BCAS1: variants seen among roughly 807,000 people sequenced by gnomAD.
The protein encoded by BCAS1 is breast carcinoma-amplified sequence 1.
BCAS1 carries 46 observed loss-of-function variants against 65.4 expected under a neutral mutation model. The ratio of observed to expected loss-of-function variants is 0.70; its 90% CI spans 0.55 to 0.90. The LOEUF is 0.90. Among genes scored for constraint, BCAS1 ranks in the 40% least tolerant of loss-of-function variants. BCAS1 has a pLI of 0.00. For synonymous variants in BCAS1, 298 were observed against 293.5 expected (o/e 1.02, Z -0.16); for missense variants, 793 against 771.2 (o/e 1.03, Z -0.33).
At chr20:53,954,733 A>G (rs895875159) in intron 11 of BCAS1, among the ~76,000 whole-genome samples, 3 of 152,200 alleles carry the variant, frequency 2.0e-5, no homozygotes, top group Non-Finnish European at 4.4e-5. Context: ...CAAAGGTCCA[A>G]AAAAATATTT....
At chr20:54,034,895 C>T (rs1030400426) in intron 3 of BCAS1, among the ~76,000 whole-genome samples, 1 of 151,234 alleles carries the variant, frequency 6.6e-6, no homozygotes, top group African/African-American at 2.4e-5. Flanking sequence ...TACTACAAGG[C>T]TACAGTAACC....
intron 3 of BCAS1, among the ~76,000 whole-genome samples, chr20:54,032,029 T>A (rs2091811875): frequency 6.6e-6 from 1 of 151,090 alleles, no homozygotes; most frequent in Non-Finnish European, 1.5e-5. Context: ...CAAGACATCA[T>A]CATCAGATTC....
chr20:54,031,632 C>A (rs2091802611), intron 3 of BCAS1, among the ~76,000 whole-genome samples: 1 of 151,322 alleles, frequency 6.6e-6, no homozygotes, highest in Admixed American at 6.6e-5. Context: ...AAAGTAGAAC[C>A]TGGAAATCCA....
At chr20:54,014,084 TGA>T (rs2091380405) in intron 4 of BCAS1, among the ~76,000 whole-genome samples, 1 of 152,314 alleles carries the variant, frequency 6.6e-6, no homozygotes, top group African/African-American at 2.4e-5. Flanking sequence ...ACAGTTGTGA[TGA>T]GAGTCCAGCC....
chr20:53,973,002 C>T (rs181176340), intron 9 of BCAS1, among the ~76,000 whole-genome samples: 17 of 152,188 alleles, frequency 1.1e-4, no homozygotes, highest in South Asian at 4.1e-4. Flanking sequence ...CCAAGGTGGG[C>T]GGATCACTTG....
chr20:53,985,613 TTCTTTA>T, intron 7 of BCAS1, 114 bp from the exon 8 acceptor site: 3 of 918,800 alleles, frequency 3.3e-6, no homozygotes, highest in Non-Finnish European at 4.8e-6. Context: ...GTTAATTTTC[TTCTTTA>T]TATTTTTCTG....
chr20:54,040,071 A>G (rs1323464888), intron 3 of BCAS1, among the ~76,000 whole-genome samples: 1 of 151,594 alleles, frequency 6.6e-6, no homozygotes, highest in East Asian at 1.9e-4. Context: ...ACCATTGCCT[A>G]ATCAATGAAT....
intron 12 of BCAS1, 89 bp from the exon 13 acceptor site, chr20:53,945,085 C>G: frequency 8.8e-7 from 1 of 1,141,408 alleles, no homozygotes; most frequent in Non-Finnish European, 1.3e-6. Context: ...TTACTCTGTG[C>G]TAGGTGTTGG....
chr20:53,946,644 TTTATA>T (rs1460510406), intron 12 of BCAS1, among the ~76,000 whole-genome samples: 2 of 150,882 alleles, frequency 1.3e-5, no homozygotes, highest in Non-Finnish European at 3.0e-5. Flanking sequence ...TAGTGTATAT[TTTATA>T]GTATATATAG....
At chr20:53,957,666 C>A (rs917646051) in intron 10 of BCAS1, among the ~76,000 whole-genome samples, 169 bp from the exon 11 acceptor site, 4 of 152,204 alleles carry the variant, frequency 2.6e-5, no homozygotes, top group South Asian at 2.1e-4. Context: ...GATTTCCATG[C>A]AATTTCTAAC....
At chr20:54,070,055 C>G (rs2146405934) in intron 1 of BCAS1, among the ~76,000 whole-genome samples, 1 of 152,304 alleles carries the variant, frequency 6.6e-6, no homozygotes, top group East Asian at 1.9e-4. Context: ...TTCCACTCGG[C>G]TATGGGGCAT....
chr20:54,043,788 T>C (rs368809731), intron 3 of BCAS1, among the ~76,000 whole-genome samples: 1 of 152,246 alleles, frequency 6.6e-6, no homozygotes, highest in Non-Finnish European at 1.5e-5. Context: ...ACCCAGGTGA[T>C]GTGATGCTGC....
chr20:53,958,084 T>G (rs781468282), intron 10 of BCAS1, among the ~76,000 whole-genome samples: 10 of 152,130 alleles, frequency 6.6e-5, no homozygotes, highest in Non-Finnish European at 1.0e-4. Flanking sequence ...CCTGGGAACT[T>G]GCTAGAAAGG....
At chr20:54,061,734 T>C (rs916993653) in intron 1 of BCAS1, among the ~76,000 whole-genome samples, 3 of 152,258 alleles carry the variant, frequency 2.0e-5, no homozygotes, top group African/African-American at 7.2e-5. Flanking sequence ...AGCTGAGCAC[T>C]GTTAAAACAT....
intron 8 of BCAS1, among the ~76,000 whole-genome samples, chr20:53,978,356 ATTT>A (rs539553962): frequency 6.6e-6 from 1 of 151,938 alleles, no homozygotes; most frequent in African/African-American, 2.4e-5. Context: ...TTTACTTAAT[ATTT>A]TTTTCTTAAA....
At chr20:53,948,638 C>T (rs1208656520) in intron 12 of BCAS1, among the ~76,000 whole-genome samples, 1 of 152,344 alleles carries the variant, frequency 6.6e-6, no homozygotes, top group South Asian at 2.1e-4. Context: ...ATAAATGCAA[C>T]CCCTTTCCTG....
chr20:54,052,102 C>G (rs1191802304), intron 3 of BCAS1, among the ~76,000 whole-genome samples: 1 of 152,168 alleles, frequency 6.6e-6, no homozygotes, highest in Non-Finnish European at 1.5e-5. Context: ...TCAGATTTAT[C>G]TGATTGAAGT....
intron 8 of BCAS1, among the ~76,000 whole-genome samples, chr20:53,978,242 C>T (rs183110484): frequency 4.6e-5 from 7 of 152,114 alleles, no homozygotes; most frequent in East Asian, 1.9e-4. Context: ...AGTCAACTAT[C>T]GCAAGAACAA....
chr20:54,064,142 A>G (rs958150357), intron 1 of BCAS1, among the ~76,000 whole-genome samples: 5 of 152,202 alleles, frequency 3.3e-5, no homozygotes, highest in Admixed American at 6.5e-5. Context: ...ACTGGGCTGC[A>G]TGTGAGAACC....
Sources: gnomAD v4.1 joint callset for allele counts (sites outside exome capture counted in the v4.1 genomes callset) on GRCh38, gnomAD v4.1.1 for gene constraint, MANE v1.5 for transcripts, NCBI Gene and HGNC (gene_info 2026-07-23, HGNC 2026-07-21) for gene names.